Variants in GFI1B observed in about 807,000 individuals in gnomAD.
The protein encoded by GFI1B is growth factor independent 1B transcriptional repressor, also known as zinc finger protein Gfi-1b.
In GFI1B, 20 loss-of-function variants were observed where a neutral mutation model predicts 35.3. That is an observed-to-expected ratio of 0.57 (90% confidence interval 0.40 to 0.82). The LOEUF (loss-of-function observed/expected upper bound fraction) is 0.82, where lower values mean the gene tolerates loss of function less well. Among genes scored for constraint, GFI1B ranks in the 40% least tolerant of loss-of-function variants. GFI1B has a pLI of 0.00. For missense variants in GFI1B, 430 were observed against 446.3 expected, an observed-to-expected ratio of 0.96 and a Z score of 0.33; for synonymous variants, 178 against 177.6, an observed-to-expected ratio of 1.00 and a Z score of -0.02.
Position 132,955,808 on chromosome 9 carries a change from A to ATGTGTGTGTGTG in GFI1B, c.-701+10161_-701+10172dup, listed in dbSNP as rs3049917. ...CAACGTGATGTGTGTGTGTGTGTGC[A>ATGTGTGTGTGTG]TGTGTGTGTGTGTGTGTGTGTGTGT... is the stretch of plus-strand genomic sequence containing the variant. On this transcript the variant is annotated intron_variant, in intron 1 of 10. Transcript: ENST00000339463. Among the ~76,000 whole-genome samples the ATGTGTGTGTGTG allele has an allele frequency of 4.7e-4, 69 of 146,550 alleles. 1 individual carries two copies. The East Asian group carries it at 5.6e-3, about 12-fold the overall frequency.
intron 1 of GFI1B, among the ~76,000 whole-genome samples, chr9:132,951,017 A>T (rs1224678591): frequency 6.6e-6 from 1 of 151,410 alleles, no homozygotes; most frequent in Non-Finnish European, 1.5e-5. Context: ...ATTTTATTTT[A>T]TTTTATTAGA....
Position 132,987,365 on chromosome 9 carries a change from C to G in GFI1B, c.184C>G (p.Arg62Gly). The stretch of plus-strand genomic sequence containing the variant: ...GTGCCTGGACTGGACCAACCTCAAA[C>G]GAGAGCCGGAGCTGGAGCAGGACCA... ...NQCLDWTNLKREPELEQDQNL... is the reference protein window; with the variant it reads ...NQCLDWTNLKGEPELEQDQNL... Residue 62 changes from arginine to glycine, a missense_variant, in exon 3 of 7, where the codon CGA becomes GGA. Physicochemically the swap from Arg to Gly is moderately radical, Grantham distance 125. Coordinates refer to ENST00000372122, the MANE Select transcript of GFI1B (RefSeq NM_001377304.1). The G allele has an allele frequency of 6.2e-7, 1 of 1,614,256 alleles. No individual in the cohort carries two copies. The highest frequency in any genetic ancestry group is 2.2e-5 in the East Asian group (1 of 44,880).
chr9:132,984,078 G>A (rs1197786772), intron 1 of GFI1B, among the ~76,000 whole-genome samples: 2 of 152,250 alleles, frequency 1.3e-5, no homozygotes, highest in Non-Finnish European at 2.9e-5. Flanking sequence ...AAGCCTTGGC[G>A]AGTACCTTTG....
intron 1 of GFI1B, among the ~76,000 whole-genome samples, chr9:132,979,626 G>T (rs955242663): frequency 5.3e-5 from 8 of 152,092 alleles, no homozygotes; most frequent in African/African-American, 1.9e-4. Flanking sequence ...CCCACACACT[G>T]CCCAGGCTCC....
chr9:132,968,725 C>A (rs932010580), intron 1 of GFI1B, among the ~76,000 whole-genome samples: 1 of 152,158 alleles, frequency 6.6e-6, no homozygotes, highest in Admixed American at 6.5e-5. Context: ...CCCCGCTGTA[C>A]CTCTGCTTTC....
chr9:132,973,564 G>A (rs923699680), intron 2 of GFI1B, among the ~76,000 whole-genome samples: 5 of 152,198 alleles, frequency 3.3e-5, no homozygotes, highest in African/African-American at 1.2e-4. Flanking sequence ...TCACGGGTGG[G>A]CCAAATCTGT....
At chr9:132,960,656 C>T (rs2132594476) in intron 1 of GFI1B, among the ~76,000 whole-genome samples, 1 of 151,996 alleles carries the variant, frequency 6.6e-6, no homozygotes, top group African/African-American at 2.4e-5. Flanking sequence ...ACCACTACAC[C>T]CGGATACTTT....
chr9:132,955,465 A>C (rs2132588147), intron 1 of GFI1B, among the ~76,000 whole-genome samples: 1 of 151,990 alleles, frequency 6.6e-6, no homozygotes, highest in East Asian at 1.9e-4. Flanking sequence ...ACTTTTTAAA[A>C]CATTTTTATT....
intron 1 of GFI1B, among the ~76,000 whole-genome samples, chr9:132,947,587 T>G (rs575204544): frequency 1.3e-5 from 2 of 151,970 alleles, no homozygotes; most frequent in East Asian, 3.9e-4. Flanking sequence ...GGCAGGTAGA[T>G]GGCTTGAGGT....
At position 132,968,117 on chromosome 9, in the gene GFI1B, T is replaced by G. The variant is rs149444690; in HGVS notation, c.-700-4608T>G. ...TTATTTATTTATTTATTTATTTATT[T>G]ATTTATTTATTTGATTTGAGACAGT... On this transcript the variant is annotated intron_variant, in intron 1 of 10. Coordinates refer to the GFI1B transcript ENST00000339463. 8.2e-3 allele frequency among the ~76,000 whole-genome samples: 1,234 copies of G among 150,042 alleles called. 18 individuals carry two copies. Among genetic ancestry groups the G allele is most frequent in the African/African-American group, 0.029 (1,163 of 40,704 alleles).
upstream of GFI1B, among the ~76,000 whole-genome samples, chr9:132,974,516 C>T (rs1458263439): frequency 4.9e-5 from 7 of 143,700 alleles, no homozygotes; most frequent in African/African-American, 1.5e-4. Context: ...GCAGGAGAAT[C>T]GCTTGAACCT....
intron 2 of GFI1B, 25 bp from the exon 3 acceptor site, chr9:132,987,257 T>C: frequency 6.2e-7 from 1 of 1,612,054 alleles, no homozygotes; most frequent in Non-Finnish European, 8.5e-7. Context: ...TGGCTATTGA[T>C]GCTGATGGTC....
rs1849195975 is a variant in GFI1B at position 132,989,201 on chromosome 9, G to A, written c.648+3G>A. The A allele has an allele frequency of 1.2e-6, 2 of 1,612,054 alleles. No individual in the cohort carries two copies. Among genetic ancestry groups the A allele is most frequent in the Admixed American group, 1.7e-5 (1 of 60,018 alleles). ...AGCACACGCACGTCCACTCCCAGGT[G>A]GGCACCTGGCCCAGCGCAGGACTCC... On this transcript the variant is annotated splice_donor_region_variant and intron_variant, in intron 5 of 6. Transcript: ENST00000372122. The surrounding 1 kb of genome is among the most constrained non-coding windows in gnomAD (Gnocchi z 6.2).
intron 1 of GFI1B, among the ~76,000 whole-genome samples, chr9:132,979,793 G>A (rs532814639): frequency 4.6e-5 from 7 of 152,340 alleles, no homozygotes; most frequent in Non-Finnish European, 7.3e-5. Context: ...GACTTGTGAA[G>A]AGGAGGTCTG....
At chr9:132,979,385 G>A (rs528879684) in intron 1 of GFI1B, among the ~76,000 whole-genome samples, 2 of 151,632 alleles carry the variant, frequency 1.3e-5, no homozygotes, top group East Asian at 1.9e-4. Context: ...GATTACAGGC[G>A]CGTGTTACCA....
At position 132,986,775 on chromosome 9, in the gene GFI1B, C is replaced by T; in HGVS notation, c.97C>T (p.Pro33Ser). The change falls in exon 2 of 7, where the codon CCG becomes TCG. Residue 33 changes from proline (P) to serine (S), a missense_variant. Physicochemically the swap from Pro to Ser is moderately conservative, Grantham distance 74 (BLOSUM62 -1). Transcript: ENST00000372122. ...DEPLWPPALTPVPRDQAPSNS... is the reference protein window; with the variant it reads ...DEPLWPPALTSVPRDQAPSNS... The stretch of plus-strand genomic sequence containing the variant: ...ACCGCTCTGGCCTCCTGCCCTTACC[C>T]CGGGTGAGTCAGAGCCCGGGCTGGC... 6 of 1,604,678 alleles carry T rather than the reference C, an allele frequency of 3.7e-6. No individual in the cohort carries two copies. The highest frequency in any genetic ancestry group is 5.1e-6 in the Non-Finnish European group (6 of 1,173,838).
At chr9:132,970,056 G>A (rs1848510116) in intron 1 of GFI1B, among the ~76,000 whole-genome samples, 1 of 152,008 alleles carries the variant, frequency 6.6e-6, no homozygotes, top group Non-Finnish European at 1.5e-5. Flanking sequence ...GTGCTGATCA[G>A]TGTTGAGAAG....
upstream of GFI1B, among the ~76,000 whole-genome samples, chr9:132,977,723 A>T (rs1375301419): frequency 5.3e-5 from 8 of 152,008 alleles, no homozygotes; most frequent in Non-Finnish European, 1.0e-4. Context: ...AATGGGAAGA[A>T]ATGCCCCAGC....
At chr9:132,984,224 T>A (rs1030936234) in intron 1 of GFI1B, among the ~76,000 whole-genome samples, 1 of 152,202 alleles carries the variant, frequency 6.6e-6, no homozygotes, top group Non-Finnish European at 1.5e-5. Context: ...GTCCTCCTCC[T>A]GCTCACTGGG....
Sources: allele counts gnomAD v4.1 joint callset (sites outside exome capture counted in the v4.1 genomes callset), GRCh38; gene constraint gnomAD v4.1.1; non-coding constraint Gnocchi (gnomAD v3.1); transcripts MANE v1.5; gene names NCBI Gene and HGNC (gene_info 2026-07-23, HGNC 2026-07-21).